Variants in ZNF343 observed in about 807,000 individuals in gnomAD.
ZNF343 encodes the protein zinc finger protein 343.
ZNF343 carries 11 observed loss-of-function variants against 13.8 expected under a neutral mutation model. The ratio of observed to expected loss-of-function variants is 0.80; its 90% CI spans 0.50 to 1.32. ZNF343 has a LOEUF of 1.32. Among genes scored for constraint, ZNF343 ranks in the 40% most tolerant of loss-of-function variants. The pLI, the probability that ZNF343 is intolerant of heterozygous loss-of-function variation, is 0.00. For missense variants in ZNF343, 658 were observed against 714.2 expected (o/e 0.92, Z 0.90); for synonymous variants, 248 against 260.0 (o/e 0.95, Z 0.44).
chr20:2,507,186 C>T (rs2085673750), intron 1 of ZNF343, among the ~76,000 whole-genome samples: 1 of 151,594 alleles, frequency 6.6e-6, no homozygotes, highest in Non-Finnish European at 1.5e-5. Context: ...ATCGCTTGAA[C>T]CCGGGAGGTG....
chr20:2,485,346 C>T (rs569383716), intron 5 of ZNF343, among the ~76,000 whole-genome samples: 62 of 152,326 alleles, frequency 4.1e-4, no homozygotes, highest in African/African-American at 1.5e-3. Context: ...AAAAACTTTT[C>T]ATTTACAGCA....
At chr20:2,504,957 A>G (rs2085630471) in intron 1 of ZNF343, among the ~76,000 whole-genome samples, 2 of 152,210 alleles carry the variant, frequency 1.3e-5, no homozygotes, top group African/African-American at 2.4e-5. Flanking sequence ...GGACAGGGCA[A>G]TCAGGCAGGA....
intron 1 of ZNF343, among the ~76,000 whole-genome samples, chr20:2,523,623 T>C (rs1473337138): frequency 6.6e-6 from 1 of 151,800 alleles, no homozygotes; most frequent in African/African-American, 2.4e-5. Context: ...AGAAGTTGAC[T>C]TGAAGTTGCA....
chr20:2,493,482 C>G, intron 4 of ZNF343, 37 bp downstream of exon 4: 2 of 1,576,368 alleles, frequency 1.3e-6, no homozygotes, highest in African/African-American at 1.4e-5. Flanking sequence ...AATGAGCCAG[C>G]ACTTCAGGAA....
At chr20:2,486,990 C>T (rs138505272) in intron 5 of ZNF343, among the ~76,000 whole-genome samples, 38 of 152,276 alleles carry the variant, frequency 2.5e-4, no homozygotes, top group Admixed American at 9.2e-4. Flanking sequence ...ATAACAAAAG[C>T]AGCCATAAAT....
intron 1 of ZNF343, 133 bp from the exon 2 acceptor site, chr20:2,500,875 A>G (rs1407585405): frequency 2.0e-5 from 3 of 152,322 alleles, no homozygotes; most frequent in African/African-American, 7.2e-5. Context: ...TACAGCTCCG[A>G]GCGCGAGCGA....
At chr20:2,513,536 T>C (rs1177569716), upstream of ZNF343, among the ~76,000 whole-genome samples, 1 of 152,266 alleles carries the variant, frequency 6.6e-6, no homozygotes, top group African/African-American at 2.4e-5. Context: ...CTGGTAAGAA[T>C]GTAAAGTGTT....
upstream of ZNF343, among the ~76,000 whole-genome samples, chr20:2,512,020 T>G (rs2085741300): frequency 6.6e-6 from 1 of 152,218 alleles, no homozygotes; most frequent in Non-Finnish European, 1.5e-5. Flanking sequence ...AAACACTACA[T>G]TTCTATAACT....
chr20:2,503,712 G>A (rs1182586788), intron 1 of ZNF343, among the ~76,000 whole-genome samples: 1 of 152,140 alleles, frequency 6.6e-6, no homozygotes, highest in East Asian at 1.9e-4. Flanking sequence ...AGTGACTACT[G>A]GGTACATAAT....
chr20:2,488,285 G>A (rs2085313513), intron 5 of ZNF343, among the ~76,000 whole-genome samples: 1 of 151,292 alleles, frequency 6.6e-6, no homozygotes, highest in Admixed American at 6.6e-5. Context: ...AGTCATTTGG[G>A]ATTTTTCTTG....
intron 1 of ZNF343, among the ~76,000 whole-genome samples, chr20:2,524,037 A>T (rs1367783111): frequency 6.6e-6 from 1 of 150,866 alleles, no homozygotes; most frequent in Non-Finnish European, 1.5e-5. Flanking sequence ...AATACTGCTT[A>T]GGATAGCTGG....
At chr20:2,496,972 C>A (rs1488838727) in intron 2 of ZNF343, among the ~76,000 whole-genome samples, 1 of 140,042 alleles carries the variant, frequency 7.1e-6, no homozygotes, top group South Asian at 2.1e-4. Flanking sequence ...CCCAGCTACT[C>A]GGGAGGCTGA....
At chr20:2,504,057 C>A (rs978657324) in intron 1 of ZNF343, among the ~76,000 whole-genome samples, 1 of 152,126 alleles carries the variant, frequency 6.6e-6, no homozygotes, top group Admixed American at 6.5e-5. Flanking sequence ...AATTGATAGA[C>A]CGCTAGCAAG....
intron 5 of ZNF343, among the ~76,000 whole-genome samples, chr20:2,492,260 C>T (rs142815988): frequency 2.0e-4 from 31 of 152,272 alleles, no homozygotes; most frequent in Non-Finnish European, 4.4e-4. Flanking sequence ...TGGGCAGGTA[C>T]ATCCCTTCAT....
intron 1 of ZNF343, among the ~76,000 whole-genome samples, chr20:2,515,092 A>C (rs944229141): frequency 3.9e-5 from 6 of 152,062 alleles, no homozygotes; most frequent in African/African-American, 1.2e-4. Flanking sequence ...GAGAAGAAGA[A>C]GCCAAATCAG....
upstream of ZNF343, among the ~76,000 whole-genome samples, chr20:2,511,507 C>G (rs987835277): frequency 2.6e-5 from 4 of 152,148 alleles, no homozygotes; most frequent in African/African-American, 7.2e-5. Context: ...CTGGAGCCCT[C>G]CCTCAGCATC....
intron 1 of ZNF343, among the ~76,000 whole-genome samples, chr20:2,516,202 G>T (rs919005029): frequency 6.6e-6 from 1 of 152,086 alleles, no homozygotes; most frequent in Non-Finnish European, 1.5e-5. Context: ...GAGATGTTAA[G>T]GATGTGATTT....
chr20:2,484,538 G>C lies in ZNF343; in HGVS notation c.423C>G (p.Phe141Leu). The C allele has an allele frequency of 6.2e-7, 1 of 1,614,232 alleles. No homozygotes were observed. ...GCCCTGGGCTAGAATTCCCTGGATG[G>C]AAGTGATTTTCTGCACATAAGCCCA... ...IFLGLCAENHFHPGNSSPGHW... is the reference protein window; with the variant it reads ...IFLGLCAENHLHPGNSSPGHW... Residue 141 changes from phenylalanine to leucine, a missense_variant, in exon 6 of 6, where the codon TTC becomes TTG. Coordinates refer to ENST00000278772, the MANE Select transcript of ZNF343 (RefSeq NM_024325.6).
In ZNF343 at chr20:2,482,851, G is replaced by A; in HGVS notation, c.*310C>T. On this transcript the variant is annotated 3_prime_UTR_variant, in exon 6 of 6. Transcript: ENST00000278772. ...GTGCTTTCCCCTGAGGCTGTCATTG[G>A]ATGTCTGGTAAATGTTGATTATTGC... 1 of 327,688 alleles carries A rather than the reference G, an allele frequency of 3.1e-6. No individual in the cohort carries two copies. Among genetic ancestry groups the A allele is most frequent in the South Asian group, 6.6e-5 (1 of 15,208 alleles). 20.3% of individuals were successfully genotyped at this position (327,688 alleles called of 1,614,324 possible). A position where few individuals can be genotyped will look rare whatever the true frequency, so the allele number is the denominator to read the frequency against.
Sources: allele counts gnomAD v4.1 joint callset (sites outside exome capture counted in the v4.1 genomes callset), GRCh38; gene constraint gnomAD v4.1.1; transcripts MANE v1.5; gene names NCBI Gene and HGNC (gene_info 2026-07-23, HGNC 2026-07-21).